NFIB: variants seen among roughly 807,000 people sequenced by gnomAD.
NFIB encodes nuclear factor I B.
Under a neutral mutation model 61.5 loss-of-function variants are expected in NFIB, and 11 were observed. The observed-to-expected ratio is 0.18, with a 90% confidence interval of 0.11 to 0.30. The LOEUF (loss-of-function observed/expected upper bound fraction) is 0.30. Among genes scored for constraint, NFIB ranks in the 10% least tolerant of loss-of-function variants. The pLI, the probability that NFIB is intolerant of heterozygous loss-of-function variation, is 1.00. For missense variants in NFIB, 471 were observed against 608.9 expected, an observed-to-expected ratio of 0.77 and a Z score of 2.38; for synonymous variants, 260 against 216.5, an observed-to-expected ratio of 1.20 and a Z score of -1.76.
the NFIB span, among the ~76,000 whole-genome samples, chr9:14,515,609 GT>G: frequency 6.6e-6 from 1 of 152,134 alleles, no homozygotes. Context: ...AGGAATGTGA[GT>G]TTGTGACAAG....
intron 4 of NFIB, among the ~76,000 whole-genome samples, chr9:14,153,604 GATA>G (rs1443683439): frequency 1.3e-5 from 2 of 152,112 alleles, no homozygotes; most frequent in Non-Finnish European, 2.9e-5. Flanking sequence ...TTAAGATGGA[GATA>G]ATATCATTCA....
At chr9:14,476,534 C>G in the NFIB span, among the ~76,000 whole-genome samples, 1 of 152,156 alleles carries the variant, frequency 6.6e-6, no homozygotes, top group South Asian at 2.1e-4. Flanking sequence ...AATCCCCATA[C>G]ACTATTCTGT....
chr9:14,335,035 T>C (rs1417919905), intron 1 of NFIB, among the ~76,000 whole-genome samples: 2 of 152,240 alleles, frequency 1.3e-5, no homozygotes, highest in African/African-American at 4.8e-5. Flanking sequence ...TTATTACTCA[T>C]TAGTACTCCA....
intron 9 of NFIB, among the ~76,000 whole-genome samples, chr9:14,114,718 G>C (rs1320051151): frequency 6.6e-6 from 1 of 152,012 alleles, no homozygotes; most frequent in African/African-American, 2.4e-5. Flanking sequence ...TGATCATTTG[G>C]GTCTGATCCT....
chr9:14,379,129 C>G (rs1456977650), intron 1 of NFIB, among the ~76,000 whole-genome samples: 1 of 152,180 alleles, frequency 6.6e-6, no homozygotes, highest in Non-Finnish European at 1.5e-5. Flanking sequence ...GCATATCTTA[C>G]CATCTGGTGT....
chr9:14,210,044 A>G (rs776095764), intron 2 of NFIB, among the ~76,000 whole-genome samples: 1 of 152,226 alleles, frequency 6.6e-6, no homozygotes, highest in South Asian at 2.1e-4. Context: ...ATAAATAACT[A>G]CAACAATTGG....
Position 14,275,005 on chromosome 9 carries a change from T to C in NFIB, c.562+31984A>G, listed in dbSNP as rs73645034. Among the ~76,000 whole-genome samples the C allele has an allele frequency of 3.4e-3, 525 of 152,310 alleles. 2 individuals are homozygous for C. Among genetic ancestry groups the C allele is most frequent in the African/African-American group, 0.012 (492 of 41,562 alleles). ...GGTTTTGTTTTGAAGTTAATTTACTTCATGAGAAAGTCAAATCAACAGTCA... is the reference window on the plus strand; with the variant it reads ...GGTTTTGTTTTGAAGTTAATTTACTCCATGAGAAAGTCAAATCAACAGTCA... On this transcript the variant is annotated intron_variant, in intron 2 of 10. Coordinates refer to ENST00000380953, the MANE Select transcript of NFIB (RefSeq NM_001190737.2).
chr9:14,125,194 G>A (rs1296709180), intron 7 of NFIB, among the ~76,000 whole-genome samples: 3 of 152,178 alleles, frequency 2.0e-5, no homozygotes, highest in Admixed American at 2.0e-4. Flanking sequence ...GTCTCACTCT[G>A]TCGCCTAGGC....
At chr9:14,385,420 G>A (rs1156959315) in intron 1 of NFIB, among the ~76,000 whole-genome samples, 1 of 152,160 alleles carries the variant, frequency 6.6e-6, no homozygotes, top group Non-Finnish European at 1.5e-5. Flanking sequence ...AGGGGGTTGG[G>A]AGGCCTTTGC....
intron 8 of NFIB, among the ~76,000 whole-genome samples, chr9:14,119,830 G>A (rs1337043707): frequency 6.6e-6 from 1 of 152,150 alleles, no homozygotes; most frequent in Non-Finnish European, 1.5e-5. Context: ...CTAGGGGAGT[G>A]AGAAATGCTC....
At chr9:14,350,717 C>G (rs985501921) in intron 1 of NFIB, among the ~76,000 whole-genome samples, 1 of 152,102 alleles carries the variant, frequency 6.6e-6, no homozygotes, top group African/African-American at 2.4e-5. Context: ...ATGCAGATAC[C>G]TTATGGGCGC....
At chr9:14,244,389 A>T (rs1293228322) in intron 2 of NFIB, among the ~76,000 whole-genome samples, 1 of 152,228 alleles carries the variant, frequency 6.6e-6, no homozygotes, top group Non-Finnish European at 1.5e-5. Flanking sequence ...GGAGTCACTA[A>T]TACATTCTGA....
At chr9:14,128,637 G>A (rs745901298) in intron 6 of NFIB, among the ~76,000 whole-genome samples, 1 of 149,926 alleles carries the variant, frequency 6.7e-6, no homozygotes, top group Non-Finnish European at 1.5e-5. Flanking sequence ...GGCAGGGGTT[G>A]TAGTGAGCCA....
intron 2 of NFIB, among the ~76,000 whole-genome samples, chr9:14,259,615 T>C (rs2056554876): frequency 6.6e-6 from 1 of 152,136 alleles, no homozygotes; most frequent in Non-Finnish European, 1.5e-5. Flanking sequence ...TAAAAGGTAT[T>C]GGTGGCCGGG....
the NFIB span, among the ~76,000 whole-genome samples, chr9:14,529,453 G>A: frequency 1.3e-5 from 2 of 152,020 alleles, no homozygotes; most frequent in South Asian, 2.1e-4. Context: ...TCAGTGTCAC[G>A]GTGAGAGAAG....
At chr9:14,390,990 A>G (rs901747172) in intron 1 of NFIB, among the ~76,000 whole-genome samples, 4 of 152,234 alleles carry the variant, frequency 2.6e-5, no homozygotes, top group Admixed American at 6.5e-5. Flanking sequence ...TTGCATATAT[A>G]AAGAAATGGG....
chr9:14,236,047 A>C (rs557714717), intron 2 of NFIB, among the ~76,000 whole-genome samples: 52 of 152,174 alleles, frequency 3.4e-4, no homozygotes, highest in Non-Finnish European at 6.6e-4. Context: ...TTTTTTAAAG[A>C]CATATTTAAA....
chr9:14,472,233 G>T, the NFIB span, among the ~76,000 whole-genome samples: 2 of 152,190 alleles, frequency 1.3e-5, no homozygotes, highest in African/African-American at 4.8e-5. Context: ...CAATGCACAT[G>T]TTGCTGTGTG....
At chr9:14,193,877 A>G (rs2048213002) in intron 2 of NFIB, among the ~76,000 whole-genome samples, 1 of 152,206 alleles carries the variant, frequency 6.6e-6, no homozygotes, top group Non-Finnish European at 1.5e-5. Flanking sequence ...TAGAACTAAC[A>G]GGATGACACT....
Sources: allele counts gnomAD v4.1 joint callset (sites outside exome capture counted in the v4.1 genomes callset), GRCh38; gene constraint gnomAD v4.1.1; transcripts MANE v1.5; gene names NCBI Gene and HGNC (gene_info 2026-07-23, HGNC 2026-07-21).